Variants in BAD observed in about 807,000 individuals in gnomAD.
BAD encodes BCL2 associated agonist of cell death.
BAD carries 18 observed loss-of-function variants against 17.8 expected under a neutral mutation model. The observed-to-expected ratio is 1.01, with a 90% confidence interval of 0.70 to 1.50. BAD has a LOEUF of 1.50. Ranked by LOEUF, BAD falls within the 40% of genes most tolerant of loss-of-function variation. The pLI is 0.00. For missense variants in BAD, 294 were observed against 239.3 expected (o/e 1.23, Z -1.51); for synonymous variants, 112 against 91.5 (o/e 1.22, Z -1.28).
At chr11:64,270,430 CG>C (rs913456022) in intron 3 of BAD, 93 bp from the exon 4 acceptor site, 250 of 1,444,394 alleles carry the variant, frequency 1.7e-4, no homozygotes, top group Non-Finnish European at 2.2e-4. Context: ...TAAGTGAGAT[CG>C]GGGGGGAGAT....
intron 2 of BAD, among the ~76,000 whole-genome samples, chr11:64,282,881 GAAAAAAAAAAAAAA>G (rs541902877): frequency 1.1e-5 from 1 of 88,060 alleles, no homozygotes; most frequent in East Asian, 3.4e-4. Flanking sequence ...TCCGTCTCAG[GAAAAAAAAAAAAAA>G]AAAAAGAAAA....
At chr11:64,278,014 G>A (rs528190313) in intron 2 of BAD, among the ~76,000 whole-genome samples, 21 of 152,260 alleles carry the variant, frequency 1.4e-4, no homozygotes, top group Non-Finnish European at 8.8e-5. Context: ...TAGGCCCAAT[G>A]TGGTGGCTCA....
Position 64,271,789 on chromosome 11 carries a change from C to T in BAD, c.202G>A (p.Glu68Lys). 7.5e-7 allele frequency: 1 copy of T among 1,341,180 alleles called. No homozygotes were observed. The highest frequency in any genetic ancestry group is 9.6e-7 in the Non-Finnish European group (1 of 1,044,268). 83.1% of individuals were successfully genotyped at this position (1,341,180 alleles called of 1,614,324 possible). Residue 68 changes from glutamate to lysine, a missense_variant, in exon 3 of 4, where the codon GAG becomes AAG. Transcript: ENST00000309032. ...TAGGAGCTGTGGCGACTCCGGATCTCCACAGCCCCAGCGCCTGCAGAGGGT... is the reference window on the plus strand; with the variant it reads ...TAGGAGCTGTGGCGACTCCGGATCTTCACAGCCCCAGCGCCTGCAGAGGGT... Reference protein sequence around the residue: ...SSHHGGAGAVEIRSRHSSYPA... With the variant: ...SSHHGGAGAVKIRSRHSSYPA...
In BAD at chr11:64,284,637, C is replaced by T. The variant is rs536241063; in HGVS notation, c.-15G>A. ...GACGGCGCACAGGTCTCACCCCAAG[C>T]CCGATCTCGAGGCCCCTGACCCGGG... On this transcript the variant is annotated 5_prime_UTR_variant, in exon 1 of 4. Coordinates refer to ENST00000309032, the MANE Select transcript of BAD (RefSeq NM_032989.3). 38 of 1,529,256 alleles carry T rather than the reference C, an allele frequency of 2.5e-5. No homozygotes were observed. In the African/African-American group the frequency reaches 4.4e-4, roughly 18 times the overall value. The allele number at this position is 1,529,256 out of a possible 1,614,324, so 94.7% of individuals were successfully genotyped here.
intron 2 of BAD, among the ~76,000 whole-genome samples, chr11:64,281,053 C>T (rs758547367): frequency 2.6e-5 from 4 of 151,806 alleles, no homozygotes; most frequent in African/African-American, 4.8e-5. Flanking sequence ...CTGCAAGCTC[C>T]GCCTCCCGGG....
In BAD at chr11:64,271,706, GC is replaced by G; in HGVS notation, c.284del (p.Gly95AlafsTer23). The G allele has an allele frequency of 6.8e-7, 1 of 1,469,900 alleles. No individual in the cohort carries two copies. Among genetic ancestry groups the G allele is most frequent in the Non-Finnish European group, 9.0e-7 (1 of 1,112,086 alleles). The allele number at this position is 1,469,900 out of a possible 1,614,324, so 91.1% of individuals were successfully genotyped here. A position where few individuals can be genotyped will look rare whatever the true frequency, so the allele number is the denominator to read the frequency against. On this transcript the variant is annotated frameshift_variant, in exon 3 of 4. Transcript: ENST00000309032. LOFTEE classifies it high-confidence loss of function. The stretch of plus-strand genomic sequence containing the variant: ...GGTTGGGGGGCGCCGAGCGCGAGCG[GC>G]CCCGAAAGGGGCTGGGCTCCTCCCC... ...GMGEEPSPFR[G>X]RSRSAPPNLW...
intron 3 of BAD, chr11:64,270,649 G>T (rs957453435): frequency 9.9e-6 from 6 of 608,250 alleles, no homozygotes; most frequent in East Asian, 3.6e-5. Flanking sequence ...GAATCAAAGG[G>T]CCGGGAGCGA....
chr11:64,270,439 G>C, intron 3 of BAD, 102 bp from the exon 4 acceptor site: 24 of 1,421,946 alleles, frequency 1.7e-5, no homozygotes, highest in Non-Finnish European at 2.1e-5. Flanking sequence ...TCGGGGGGGA[G>C]ATAATGAAGG....
intron 3 of BAD, chr11:64,270,783 C>A: frequency 2.4e-6 from 1 of 419,348 alleles, no homozygotes; most frequent in Non-Finnish European, 4.8e-6. Context: ...CGACAGAGCG[C>A]ACAGGTGCCA....
Position 64,270,104 on chromosome 11 carries a change from C to T in BAD, c.*105G>A. 7 of 1,557,168 alleles carry T rather than the reference C, an allele frequency of 4.5e-6. No homozygotes were observed. Among genetic ancestry groups the T allele is most frequent in the Non-Finnish European group, 6.1e-6 (7 of 1,140,944 alleles). ...AGCCCTCCCTCCAAAGGAGACAGCACGGATCCTCTTTTTGCATAGGCCTGA... is the reference window on the plus strand; with the variant it reads ...AGCCCTCCCTCCAAAGGAGACAGCATGGATCCTCTTTTTGCATAGGCCTGA... On this transcript the variant is annotated 3_prime_UTR_variant, in exon 4 of 4. Coordinates refer to ENST00000309032, the MANE Select transcript of BAD (RefSeq NM_032989.3).
chr11:64,284,517 C>T, intron 1 of BAD, 114 bp downstream of exon 1: 3 of 1,542,790 alleles, frequency 1.9e-6, no homozygotes, highest in Middle Eastern at 1.7e-4. Flanking sequence ...CATCTGTCTG[C>T]CGGGTCTGGC....
intron 3 of BAD, among the ~76,000 whole-genome samples, chr11:64,270,857 C>G (rs1456070523): frequency 6.8e-6 from 1 of 147,332 alleles, no homozygotes; most frequent in African/African-American, 2.4e-5. Context: ...GGAGCTTTGG[C>G]CTGGAGTGGG....
At position 64,270,027 on chromosome 11, in the gene BAD, G is replaced by C. The variant is rs1171441005; in HGVS notation, c.*182C>G. ...TGTGGGCGGAAAACCCAAAACTTCC[G>C]ATGGGACCAAGCCTTCCGTGGCTTC... is the stretch of plus-strand genomic sequence containing the variant. On this transcript the variant is annotated 3_prime_UTR_variant, in exon 4 of 4. Transcript: ENST00000309032. The C allele has an allele frequency of 1.7e-6, 2 of 1,212,104 alleles. No individual in the cohort carries two copies. Among genetic ancestry groups the C allele is most frequent in the Non-Finnish European group, 2.3e-6 (2 of 861,802 alleles). 75.1% of individuals were successfully genotyped at this position (1,212,104 alleles called of 1,614,324 possible).
intron 2 of BAD, among the ~76,000 whole-genome samples, chr11:64,282,521 G>C (rs2033545865): frequency 6.6e-6 from 1 of 150,880 alleles, no homozygotes; most frequent in African/African-American, 2.4e-5. Flanking sequence ...GATCGTTTGA[G>C]CCCAGGAGTT....
intron 3 of BAD, among the ~76,000 whole-genome samples, chr11:64,271,012 A>G (rs1317791885): frequency 2.3e-5 from 1 of 43,246 alleles, no homozygotes; most frequent in Non-Finnish European, 5.4e-5. Context: ...ACACACACAC[A>G]CGCCTGGAGT....
intron 2 of BAD, among the ~76,000 whole-genome samples, chr11:64,279,521 T>C (rs952228532): frequency 1.1e-4 from 17 of 150,432 alleles, no homozygotes; most frequent in Non-Finnish European, 1.9e-4. Context: ...AATCCCAGCA[T>C]TTTGGGAGGC....
intron 2 of BAD, chr11:64,277,070 C>A (rs1389758824): frequency 2.8e-6 from 2 of 702,256 alleles, no homozygotes; most frequent in East Asian, 5.4e-5. Flanking sequence ...GAAACAGAGG[C>A]ACACTTAATT....
At chr11:64,284,683 C>A (rs1394958928), upstream of BAD, 4 of 1,535,760 alleles carry the variant, frequency 2.6e-6, no homozygotes, top group Admixed American at 5.9e-5. Flanking sequence ...CCCTCCAGCA[C>A]CCCGGGCTCC....
At chr11:64,270,363 T>C (rs781682700) in intron 3 of BAD, 26 bp from the exon 4 acceptor site, 2 of 1,524,042 alleles carry the variant, frequency 1.3e-6, no homozygotes, top group Admixed American at 4.2e-5. Flanking sequence ...AAGGGTTACA[T>C]GAGTTAGATT....
Sources: allele counts gnomAD v4.1 joint callset (sites outside exome capture counted in the v4.1 genomes callset), GRCh38; gene constraint gnomAD v4.1.1; transcripts MANE v1.5; gene names NCBI Gene and HGNC (gene_info 2026-07-23, HGNC 2026-07-21).